CNTN5: variants seen among roughly 807,000 people sequenced by gnomAD.
CNTN5 encodes the protein contactin-5.
CNTN5 carries 77 observed loss-of-function variants against 129.1 expected under a neutral mutation model. The observed-to-expected ratio is 0.60, with a 90% CI of 0.50 to 0.72. CNTN5 has a LOEUF of 0.72. CNTN5 is among the 30% of genes least tolerant of loss of function. The probability of loss-of-function intolerance (pLI) is 0.00; values close to 1 mark genes in which losing one functional copy is unlikely to be tolerated. For missense variants in CNTN5, 1,478 were observed against 1,328.8 expected (o/e 1.11, Z -1.75); for synonymous variants, 509 against 465.6 (o/e 1.09, Z -1.20).
chr11:100,242,676 G>A (rs1349634936), intron 16 of CNTN5, among the ~76,000 whole-genome samples: 15 of 152,184 alleles, frequency 9.9e-5, no homozygotes, highest in Non-Finnish European at 1.9e-4. Context: ...GTTAAACCAT[G>A]AGAAATTGCC....
At position 100,269,499 on chromosome 11, in the gene CNTN5, T is replaced by A. The variant is rs111291303; in HGVS notation, c.2165-1593T>A. Among the ~76,000 whole-genome samples the A allele has an allele frequency of 3.9e-3, 594 of 152,166 alleles. 1 individual carries two copies. The highest frequency in any genetic ancestry group is 6.8e-3 in the Admixed American group (104 of 15,290). On this transcript the variant is annotated intron_variant, in intron 17 of 24. Transcript: ENST00000524871. The stretch of plus-strand genomic sequence containing the variant: ...GCTGATGGGAAACATCCATTAGAGA[T>A]GTGGGAGAGAGAGGAAAAAAGGGCT...
intron 3 of CNTN5, among the ~76,000 whole-genome samples, chr11:99,708,099 A>G (rs1252503280): frequency 1.3e-5 from 2 of 151,678 alleles, no homozygotes; most frequent in African/African-American, 4.8e-5. Flanking sequence ...AAACCTTAAA[A>G]GCCAGAGAAC....
rs1943666207 is a variant in CNTN5 at position 99,735,236 on chromosome 11, G to A, written c.56-84308G>A. On this transcript the variant is annotated intron_variant, in intron 3 of 24. Coordinates refer to ENST00000524871, the MANE Select transcript of CNTN5 (RefSeq NM_014361.4). ...TTATCTCCTGAAAATCCCAATGAAGGATTTTTATCAGAATTCACCTTCCTG... is the reference window on the plus strand; with the variant it reads ...TTATCTCCTGAAAATCCCAATGAAGAATTTTTATCAGAATTCACCTTCCTG... Among the ~76,000 whole-genome samples, 4 of 152,090 alleles carry A rather than the reference G, an allele frequency of 2.6e-5. No individual in the cohort carries two copies. In the South Asian group the frequency reaches 6.2e-4, roughly 24 times the overall value.
intron 2 of CNTN5, among the ~76,000 whole-genome samples, chr11:99,342,571 CAAAAAA>C (rs58710723): frequency 4.4e-3 from 107 of 24,508 alleles, no homozygotes; most frequent in African/African-American, 0.017. Context: ...CCCGTTATCT[CAAAAAA>C]AAAAAAAAAA....
chr11:100,186,874 T>C (rs1264160961), intron 13 of CNTN5, among the ~76,000 whole-genome samples: 1 of 152,162 alleles, frequency 6.6e-6, no homozygotes, highest in Non-Finnish European at 1.5e-5. Flanking sequence ...TAATTACGTG[T>C]GCAATAACCA....
chr11:100,243,556 T>C (rs1202134698), intron 16 of CNTN5, among the ~76,000 whole-genome samples: 1 of 152,200 alleles, frequency 6.6e-6, no homozygotes, highest in African/African-American at 2.4e-5. Context: ...TTAATTTGTG[T>C]GGTCACCAGC....
At chr11:99,345,142 C>A (rs1249000509) in intron 2 of CNTN5, among the ~76,000 whole-genome samples, 1 of 151,978 alleles carries the variant, frequency 6.6e-6, no homozygotes, top group East Asian at 1.9e-4. Flanking sequence ...GTAAAGCAAG[C>A]ATATAAGCCA....
chr11:99,459,324 G>C (rs1204017672), intron 2 of CNTN5, among the ~76,000 whole-genome samples: 1 of 151,972 alleles, frequency 6.6e-6, no homozygotes, highest in African/African-American at 2.4e-5. Context: ...GTATTATTGA[G>C]AAGTCAAAAT....
chr11:100,082,131 G>T (rs1009886806), intron 13 of CNTN5, among the ~76,000 whole-genome samples: 4 of 152,136 alleles, frequency 2.6e-5, no homozygotes, highest in African/African-American at 9.7e-5. Flanking sequence ...GTGTGTATGG[G>T]TGTGTGTACA....
chr11:99,388,875 T>C (rs1941076683), intron 2 of CNTN5, among the ~76,000 whole-genome samples: 1 of 152,132 alleles, frequency 6.6e-6, no homozygotes, highest in African/African-American at 2.4e-5. Flanking sequence ...CAGTGCATAA[T>C]ACCCATTGAA....
intron 2 of CNTN5, among the ~76,000 whole-genome samples, chr11:99,460,990 C>T (rs1944676689): frequency 6.6e-6 from 1 of 151,996 alleles, no homozygotes; most frequent in Non-Finnish European, 1.5e-5. Context: ...CACCTAAAAG[C>T]TCATCAACAG....
intron 1 of CNTN5, among the ~76,000 whole-genome samples, chr11:99,099,441 G>A (rs1460010174): frequency 1.3e-5 from 2 of 151,864 alleles, no homozygotes; most frequent in African/African-American, 2.4e-5. Flanking sequence ...AGAACTTACC[G>A]TTATGAACAA....
intron 13 of CNTN5, among the ~76,000 whole-genome samples, chr11:100,112,697 T>C (rs1375585228): frequency 6.6e-6 from 1 of 152,168 alleles, no homozygotes; most frequent in Admixed American, 6.5e-5. Context: ...CTTTCTTTAC[T>C]TGAAATTGTT....
At chr11:99,509,708 A>T (rs1338905909) in intron 2 of CNTN5, among the ~76,000 whole-genome samples, 1 of 152,126 alleles carries the variant, frequency 6.6e-6, no homozygotes, top group Non-Finnish European at 1.5e-5. Flanking sequence ...CACAAAAATG[A>T]ATAAATAAAA....
intron 13 of CNTN5, among the ~76,000 whole-genome samples, chr11:100,184,465 T>G (rs1197496294): frequency 6.6e-6 from 1 of 152,174 alleles, no homozygotes; most frequent in Non-Finnish European, 1.5e-5. Flanking sequence ...TGAAAGCGGA[T>G]GTATGCCAAG....
intron 1 of CNTN5, among the ~76,000 whole-genome samples, chr11:99,113,161 C>A (rs1857881897): frequency 6.6e-6 from 1 of 152,020 alleles, no homozygotes. Flanking sequence ...AAAATTGTAT[C>A]TTTTTCAGAG....
chr11:100,089,310 T>A (rs1944667461), intron 13 of CNTN5, among the ~76,000 whole-genome samples: 1 of 152,092 alleles, frequency 6.6e-6, no homozygotes, highest in Admixed American at 6.6e-5. Flanking sequence ...GCAAAAAAGC[T>A]CAACATCACC....
chr11:99,825,231 C>T lies in CNTN5; in HGVS notation c.277+5466C>T, dbSNP rs1344431559. The stretch of plus-strand genomic sequence containing the variant: ...TTCTTTAGGATGTTTTCGCTTTTCC[C>T]TTGCTTTACATTAGATAGACTGTTT... On this transcript the variant is annotated intron_variant, in intron 4 of 24. Transcript: ENST00000524871. Among the ~76,000 whole-genome samples, 7 of 151,952 alleles carry T rather than the reference C, an allele frequency of 4.6e-5. 1 individual carries two copies. Among genetic ancestry groups the T allele is most frequent in the Admixed American group, 2.0e-4 (3 of 15,260 alleles).
chr11:99,892,471 A>G (rs1447367176), intron 6 of CNTN5, among the ~76,000 whole-genome samples: 1 of 152,156 alleles, frequency 6.6e-6, no homozygotes, highest in African/African-American at 2.4e-5. Context: ...TCTTACATTT[A>G]AGTCTTTAAT....
Sources: allele counts gnomAD v4.1 joint callset (sites outside exome capture counted in the v4.1 genomes callset), GRCh38; gene constraint gnomAD v4.1.1; transcripts MANE v1.5; gene names NCBI Gene and HGNC (gene_info 2026-07-23, HGNC 2026-07-21).